FRMD6: variants seen among roughly 807,000 people sequenced by gnomAD.
FRMD6 encodes FERM domain containing 6.
A neutral mutation model predicts 73.2 loss-of-function variants in FRMD6; 37 were observed. That is an observed-to-expected ratio of 0.51 (90% CI 0.39 to 0.66). FRMD6 has a LOEUF of 0.66. Ranked by LOEUF, FRMD6 falls within the 30% of genes least tolerant of loss-of-function variation. The probability of loss-of-function intolerance (pLI) is 0.00; values close to 1 mark genes in which losing one functional copy is unlikely to be tolerated. For missense variants in FRMD6, 714 were observed against 780.5 expected (o/e 0.91, Z 1.02); for synonymous variants, 273 against 282.2 (o/e 0.97, Z 0.33).
Position 51,688,607 on chromosome 14 carries a change from A to G in FRMD6, c.-146-1084A>G, listed in dbSNP as rs951863995. Reference sequence around the variant, plus strand: ...ACTCTCCACCTAGTAAAACAGTTCCATATTCCTGGAAATAGTCTTTTACGT... The same window carrying G: ...ACTCTCCACCTAGTAAAACAGTTCCGTATTCCTGGAAATAGTCTTTTACGT... On this transcript the variant is annotated intron_variant, in intron 1 of 13. Coordinates refer to ENST00000344768, the MANE Select transcript of FRMD6 (RefSeq NM_001267046.2). Among the ~76,000 whole-genome samples the G allele has an allele frequency of 4.6e-5, 7 of 152,222 alleles. No homozygotes were observed. The East Asian group carries it at 5.8e-4, about 13-fold the overall frequency.
At chr14:51,565,032 A>T (rs1412776076) in intron 1 of FRMD6, among the ~76,000 whole-genome samples, 1 of 152,244 alleles carries the variant, frequency 6.6e-6, no homozygotes, top group East Asian at 1.9e-4. Flanking sequence ...GTCTTGAGCG[A>T]AAACTTCCTT....
chr14:51,554,618 A>C (rs1887024671), intron 1 of FRMD6: 1 of 152,230 alleles, frequency 6.6e-6, no homozygotes, highest in South Asian at 2.1e-4. Context: ...AGTCATGAGA[A>C]AAACATCAGA....
intron 2 of FRMD6, among the ~76,000 whole-genome samples, chr14:51,690,511 G>A (rs558758144): frequency 6.6e-6 from 1 of 152,168 alleles, no homozygotes; most frequent in Non-Finnish European, 1.5e-5. Flanking sequence ...TCAGCCTGCC[G>A]AGTAGCTGGG....
At chr14:51,419,893 T>G in the FRMD6 span, among the ~76,000 whole-genome samples, 1 of 151,998 alleles carries the variant, frequency 6.6e-6, no homozygotes, top group Admixed American at 6.6e-5. Flanking sequence ...TACAGTCATG[T>G]GACTTCCTGC....
intron 1 of FRMD6, among the ~76,000 whole-genome samples, chr14:51,500,569 T>G: frequency 6.6e-6 from 1 of 151,454 alleles, no homozygotes; most frequent in African/African-American, 2.4e-5. Flanking sequence ...AAAGATAGTG[T>G]GTATGTAAAG....
intron 1 of FRMD6, among the ~76,000 whole-genome samples, chr14:51,656,517 G>A (rs1356136703): frequency 6.6e-6 from 1 of 151,680 alleles, no homozygotes; most frequent in Non-Finnish European, 1.5e-5. Flanking sequence ...GGGTCCAAAT[G>A]ATTCTCCTGC....
At chr14:51,404,990 T>C in the FRMD6 span, among the ~76,000 whole-genome samples, 60 of 152,306 alleles carry the variant, frequency 3.9e-4, no homozygotes, top group African/African-American at 1.4e-3. Flanking sequence ...TGAGTTCTCA[T>C]CATTTAGCTC....
At chr14:51,717,227 G>T (rs45588232) in intron 10 of FRMD6, 1 of 152,124 alleles carries the variant, frequency 6.6e-6, no homozygotes, top group African/African-American at 2.4e-5. Context: ...AAGTTCTAAA[G>T]AACAGAACTT....
At chr14:51,670,790 C>T (rs372715607) in intron 1 of FRMD6, among the ~76,000 whole-genome samples, 18 of 151,864 alleles carry the variant, frequency 1.2e-4, no homozygotes, top group South Asian at 1.0e-3. Flanking sequence ...GGATTGCAGG[C>T]GCACACCACC....
intron 2 of FRMD6, among the ~76,000 whole-genome samples, chr14:51,646,001 T>C (rs1028066151): frequency 6.6e-6 from 1 of 152,036 alleles, no homozygotes. Context: ...TCAGTATGTC[T>C]TAGGCACACA....
chr14:51,663,642 A>G (rs1160060127), intron 1 of FRMD6, among the ~76,000 whole-genome samples: 1 of 152,222 alleles, frequency 6.6e-6, no homozygotes, highest in African/African-American at 2.4e-5. Context: ...CAGGAAAAAT[A>G]ATTAATGGCT....
At chr14:51,515,911 A>T (rs1398123661) in intron 1 of FRMD6, among the ~76,000 whole-genome samples, 1 of 152,216 alleles carries the variant, frequency 6.6e-6, no homozygotes, top group Non-Finnish European at 1.5e-5. Context: ...CGTTTTAGAA[A>T]AGCAGGGCTT....
chr14:51,406,602 G>T, the FRMD6 span, among the ~76,000 whole-genome samples: 1 of 152,060 alleles, frequency 6.6e-6, no homozygotes, highest in Non-Finnish European at 1.5e-5. Flanking sequence ...GGGATTGCCT[G>T]CCTGATTTGG....
At chr14:51,618,275 G>A (rs750078273) in intron 2 of FRMD6, among the ~76,000 whole-genome samples, 1 of 152,156 alleles carries the variant, frequency 6.6e-6, no homozygotes, top group Non-Finnish European at 1.5e-5. Flanking sequence ...GGAGGGAGAG[G>A]AAGGAAATGT....
At chr14:51,707,157 T>C (rs752028614) in intron 6 of FRMD6, among the ~76,000 whole-genome samples, 7 of 152,112 alleles carry the variant, frequency 4.6e-5, no homozygotes, top group Non-Finnish European at 8.8e-5. Flanking sequence ...CTGATTACCA[T>C]GTGAAAAGAA....
intron 8 of FRMD6, 111 bp from the exon 9 acceptor site, chr14:51,712,372 C>T: frequency 1.5e-6 from 1 of 676,486 alleles, no homozygotes. Flanking sequence ...GATGTGGGGG[C>T]TTTTTTCAGA....
chr14:51,587,882 C>T (rs1024951071), intron 2 of FRMD6, among the ~76,000 whole-genome samples: 7 of 152,078 alleles, frequency 4.6e-5, no homozygotes, highest in African/African-American at 1.7e-4. Flanking sequence ...GTTCTTATCA[C>T]TGTTCTGTGC....
At chr14:51,559,614 C>G (rs1187463365) in intron 1 of FRMD6, among the ~76,000 whole-genome samples, 1 of 151,990 alleles carries the variant, frequency 6.6e-6, no homozygotes, top group East Asian at 1.9e-4. Context: ...TATCTCTATG[C>G]TTTCTTTTCC....
intron 2 of FRMD6, among the ~76,000 whole-genome samples, chr14:51,693,931 C>T (rs1287517883): frequency 1.3e-5 from 2 of 152,172 alleles, no homozygotes; most frequent in Non-Finnish European, 2.9e-5. Context: ...TCCCTTTTTA[C>T]AAAGTGTTAT....
Sources: gnomAD v4.1 joint callset for allele counts (sites outside exome capture counted in the v4.1 genomes callset) on GRCh38, gnomAD v4.1.1 for gene constraint, MANE v1.5 for transcripts, NCBI Gene and HGNC (gene_info 2026-07-23, HGNC 2026-07-21) for gene names.